EDIL3: variants seen among roughly 807,000 people sequenced by gnomAD.
EDIL3 encodes EGF-like repeat and discoidin I-like domain-containing protein 3.
A neutral mutation model predicts 67.4 loss-of-function variants in EDIL3; 37 were observed. That is an observed-to-expected ratio of 0.55 (90% confidence interval 0.42 to 0.72). EDIL3 has a LOEUF of 0.72. Among genes scored for constraint, EDIL3 ranks in the 30% least tolerant of loss-of-function variants. EDIL3 has a pLI of 0.00. For missense variants in EDIL3, 527 were observed against 586.3 expected, an observed-to-expected ratio of 0.90 and a Z score of 1.04; for synonymous variants, 195 against 196.3, an observed-to-expected ratio of 0.99 and a Z score of 0.05.
rs557246230 is a variant in EDIL3 at position 84,143,427 on chromosome 5, C to G, written c.356-6073G>C. 2.0e-5 allele frequency among the ~76,000 whole-genome samples: 3 copies of G among 152,118 alleles called. No individual in the cohort carries two copies. The South Asian group carries it at 6.2e-4, about 32-fold the overall frequency. On this transcript the variant is annotated intron_variant, in intron 4 of 10. Transcript: ENST00000296591. ...CAGTAGCATAACAAAAGCCCCAAATCCAAGAGATATTTATCCATTGTCTCC... is the reference window on the plus strand; with the variant it reads ...CAGTAGCATAACAAAAGCCCCAAATGCAAGAGATATTTATCCATTGTCTCC...
chr5:84,268,032 G>C (rs1481706170), intron 1 of EDIL3, among the ~76,000 whole-genome samples: 1 of 152,160 alleles, frequency 6.6e-6, no homozygotes, highest in Non-Finnish European at 1.5e-5. Context: ...AGCTACTCGG[G>C]AGGCTGAGGC....
intron 1 of EDIL3, among the ~76,000 whole-genome samples, chr5:84,263,896 G>A (rs966467506): frequency 1.2e-4 from 18 of 152,136 alleles, no homozygotes; most frequent in African/African-American, 3.6e-4. Flanking sequence ...ATTCAGCTTT[G>A]ACTCAAGGAG....
At chr5:83,958,755 AGTGTTT>A (rs1457429786) in intron 10 of EDIL3, among the ~76,000 whole-genome samples, 1 of 151,464 alleles carries the variant, frequency 6.6e-6, no homozygotes, top group Non-Finnish European at 1.5e-5. Context: ...AAATACTGAA[AGTGTTT>A]GTCAAGTTTT....
At chr5:84,156,077 CT>C (rs762202819) in intron 4 of EDIL3, among the ~76,000 whole-genome samples, 7 of 152,284 alleles carry the variant, frequency 4.6e-5, no homozygotes, top group Non-Finnish European at 8.8e-5. Flanking sequence ...AGTAGCAAGG[CT>C]ATCCTCATCT....
In EDIL3 at chr5:84,096,917, C is replaced by T. The variant is rs140920111; in HGVS notation, c.651+9732G>A. Reference sequence around the variant, plus strand: ...TTACAAGATCTGATAGTTTTAAAAACGGGAGTTTCCCTGCACAAGCTCTCT... The same window carrying T: ...TTACAAGATCTGATAGTTTTAAAAATGGGAGTTTCCCTGCACAAGCTCTCT... On this transcript the variant is annotated intron_variant, in intron 6 of 10. Coordinates refer to ENST00000296591, the MANE Select transcript of EDIL3 (RefSeq NM_005711.5). Among the ~76,000 whole-genome samples, 1,205 of 152,190 alleles carry T rather than the reference C, an allele frequency of 7.9e-3. 18 individuals carry two copies. The highest frequency in any genetic ancestry group is 0.026 in the African/African-American group (1,098 of 41,512).
At chr5:83,965,037 T>G (rs1744666197) in intron 9 of EDIL3, among the ~76,000 whole-genome samples, 1 of 152,046 alleles carries the variant, frequency 6.6e-6, no homozygotes. Context: ...CATAATATGG[T>G]GTGTGATCCA....
At chr5:84,047,146 T>C (rs537767647) in intron 9 of EDIL3, among the ~76,000 whole-genome samples, 1 of 152,306 alleles carries the variant, frequency 6.6e-6, no homozygotes, top group East Asian at 1.9e-4. Flanking sequence ...TTTTTTAATG[T>C]ACCACTAGAG....
At chr5:84,336,263 C>T (rs1227076126) in intron 1 of EDIL3, among the ~76,000 whole-genome samples, 1 of 152,096 alleles carries the variant, frequency 6.6e-6, no homozygotes, top group African/African-American at 2.4e-5. Context: ...TTCAAGTCTA[C>T]ATGTAGTTGA....
rs117978718 is a variant in EDIL3 at position 84,304,834 on chromosome 5, C to T, written c.68-50622G>A. ...ATCTTGAGCAAGAGGAAAACTTTCA[C>T]TTTTTAAAATATAAAACTAAAGCCC... On this transcript the variant is annotated intron_variant, in intron 1 of 10. Transcript: ENST00000296591. Among the ~76,000 whole-genome samples, 28 of 152,270 alleles carry T rather than the reference C, an allele frequency of 1.8e-4. No individual in the cohort carries two copies. The East Asian group carries it at 2.7e-3, about 15-fold the overall frequency.
chr5:84,300,734 T>C (rs1438259511), intron 1 of EDIL3, among the ~76,000 whole-genome samples: 1 of 152,170 alleles, frequency 6.6e-6, no homozygotes, highest in Non-Finnish European at 1.5e-5. Flanking sequence ...CATTTATAAT[T>C]GCCTCAAAAC....
rs189573800 is a variant in EDIL3 at position 83,956,393 on chromosome 5, C to T, written c.1293+6812G>A. Among the ~76,000 whole-genome samples the T allele has an allele frequency of 1.4e-3, 220 of 151,852 alleles. 2 individuals carry two copies. Among genetic ancestry groups the T allele is most frequent in the South Asian group, 6.8e-3 (33 of 4,824 alleles). ...TTCTGTCTTGTTTTTGACCCCAGGC[C>T]TCCACTTCACAACTGATTCTGATAA... On this transcript the variant is annotated intron_variant, in intron 10 of 10. Coordinates refer to ENST00000296591, the MANE Select transcript of EDIL3 (RefSeq NM_005711.5).
intron 4 of EDIL3, among the ~76,000 whole-genome samples, chr5:84,149,126 GCTGGGAGT>G (rs576135906): frequency 6.3e-4 from 96 of 152,312 alleles, no homozygotes; most frequent in African/African-American, 2.2e-3. Flanking sequence ...AAGAGAGGGA[GCTGGGAGT>G]CTGGAGAGTC....
At position 84,374,566 on chromosome 5, in the gene EDIL3, A is replaced by G. The variant is rs78109363; in HGVS notation, c.67+9742T>C. Reference sequence around the variant, plus strand: ...CAGTTAAACAATTTACAGCTATACCAAGGAAGAAAATGACGAGGATGAGCT... The same window carrying G: ...CAGTTAAACAATTTACAGCTATACCGAGGAAGAAAATGACGAGGATGAGCT... On this transcript the variant is annotated intron_variant, in intron 1 of 10. Coordinates refer to ENST00000296591, the MANE Select transcript of EDIL3 (RefSeq NM_005711.5). Among the ~76,000 whole-genome samples, 1,303 of 152,318 alleles carry G rather than the reference A, an allele frequency of 8.6e-3. 15 individuals are homozygous for G. The highest frequency in any genetic ancestry group is 0.029 in the African/African-American group (1,215 of 41,568).
chr5:84,008,959 T>C (rs1373823833), intron 9 of EDIL3, among the ~76,000 whole-genome samples: 1 of 152,092 alleles, frequency 6.6e-6, no homozygotes, highest in Non-Finnish European at 1.5e-5. Flanking sequence ...ATTACAGGTA[T>C]GCACCACCAC....
At chr5:83,983,364 A>G (rs548582683) in intron 9 of EDIL3, among the ~76,000 whole-genome samples, 1 of 152,248 alleles carries the variant, frequency 6.6e-6, no homozygotes, top group South Asian at 2.1e-4. Flanking sequence ...AGATAGGTCG[A>G]CGGATGAAAT....
At chr5:83,982,917 G>A (rs1744995444) in intron 9 of EDIL3, among the ~76,000 whole-genome samples, 1 of 152,144 alleles carries the variant, frequency 6.6e-6, no homozygotes, top group Non-Finnish European at 1.5e-5. Context: ...CTGGTAGATG[G>A]GGCACAAGTG....
intron 6 of EDIL3, among the ~76,000 whole-genome samples, chr5:84,092,464 G>A (rs1471684982): frequency 3.3e-5 from 5 of 152,128 alleles, no homozygotes; most frequent in Non-Finnish European, 7.3e-5. Context: ...ATTGTCTACT[G>A]AGAGTCTGCT....
At chr5:84,281,855 CTTTTTTT>C (rs10708663) in intron 1 of EDIL3, among the ~76,000 whole-genome samples, 139 of 72,588 alleles carry the variant, frequency 1.9e-3, no homozygotes, top group South Asian at 6.4e-3. Flanking sequence ...TTTTATTTCA[CTTTTTTT>C]TTTTTTTTTT....
intron 6 of EDIL3, among the ~76,000 whole-genome samples, chr5:84,096,287 C>A (rs1003977492): frequency 4.4e-4 from 67 of 152,304 alleles, no homozygotes; most frequent in African/African-American, 1.6e-3. Flanking sequence ...GCCACAGATG[C>A]TCAAAGGCAA....
Sources: gnomAD v4.1 joint callset for allele counts (sites outside exome capture counted in the v4.1 genomes callset) on GRCh38, gnomAD v4.1.1 for gene constraint, MANE v1.5 for transcripts, NCBI Gene and HGNC (gene_info 2026-07-23, HGNC 2026-07-21) for gene names.